The following NALF1 variants were observed in gnomAD, a reference collection of about 807,000 sequenced individuals.
NALF1 encodes the protein family with sequence similarity 155 member A.
A neutral mutation model predicts 48.4 loss-of-function variants in NALF1; 3 were observed. The observed-to-expected ratio is 0.06, with a 90% CI of 0.03 to 0.16. The LOEUF is 0.16. Among genes scored for constraint, NALF1 ranks in the 10% least tolerant of loss-of-function variants. The probability of loss-of-function intolerance (pLI) is 1.00; values close to 1 mark genes in which losing one functional copy is unlikely to be tolerated. For missense variants in NALF1, 526 were observed against 571.5 expected, an observed-to-expected ratio of 0.92 and a Z score of 0.81; for synonymous variants, 262 against 245.7, an observed-to-expected ratio of 1.07 and a Z score of -0.62.
At chr13:107,510,111 C>T (rs928020651) in intron 1 of NALF1, among the ~76,000 whole-genome samples, 1 of 152,092 alleles carries the variant, frequency 6.6e-6, no homozygotes, top group Non-Finnish European at 1.5e-5. Context: ...ATTTGGCTTG[C>T]AATTAATCTT....
At chr13:107,224,440 A>T (rs1880060176) in intron 1 of NALF1, among the ~76,000 whole-genome samples, 1 of 148,742 alleles carries the variant, frequency 6.7e-6, no homozygotes, top group Admixed American at 6.7e-5. Context: ...ATATAATACA[A>T]ATTATATATA....
chr13:107,409,857 TG>T (rs756814196), intron 1 of NALF1, among the ~76,000 whole-genome samples: 102 of 152,192 alleles, frequency 6.7e-4, no homozygotes, highest in Admixed American at 2.9e-3. Context: ...TTTCTACCCT[TG>T]CCCTCATCTC....
chr13:107,689,824 C>T (rs1336194329), intron 1 of NALF1, among the ~76,000 whole-genome samples: 1 of 152,146 alleles, frequency 6.6e-6, no homozygotes, highest in Non-Finnish European at 1.5e-5. Context: ...ATTTATTTGT[C>T]TTCATTCCCT....
Position 107,362,424 on chromosome 13 carries a change from T to G in NALF1, c.916-151669A>C, listed in dbSNP as rs1038831946. Among the ~76,000 whole-genome samples, 10 of 152,260 alleles carry G rather than the reference T, an allele frequency of 6.6e-5. No individual in the cohort carries two copies. Among genetic ancestry groups the G allele is most frequent in the East Asian group, 1.9e-4 (1 of 5,162 alleles). ...CTGTAGAGTAGCATCTTCGCTTGCC[T>G]CCTCCTGACTTTGGAGGTATCAGGC... On this transcript the variant is annotated intron_variant, in intron 1 of 2. Transcript: ENST00000375915. The surrounding 1 kb of genome is among the most constrained non-coding windows in gnomAD (Gnocchi z 4.6).
chr13:107,763,702 G>A (rs1877336195), intron 1 of NALF1, among the ~76,000 whole-genome samples: 1 of 152,046 alleles, frequency 6.6e-6, no homozygotes, highest in Admixed American at 6.6e-5. Flanking sequence ...TGGTTACAGG[G>A]ATACACAATG....
chr13:107,206,614 C>G (rs1362974734), intron 2 of NALF1, among the ~76,000 whole-genome samples: 1 of 152,120 alleles, frequency 6.6e-6, no homozygotes, highest in Non-Finnish European at 1.5e-5. Context: ...GGGTGATATT[C>G]CCTTTTTTGT....
rs577368526 is a variant in NALF1, at chr13:107,597,507, C to T, written c.915+268175G>A. ...TTTTGTGTGTGCATTAAGGTCTAAC[C>T]GAGACTATCAATCTCATACACATCA... On this transcript the variant is annotated intron_variant, in intron 1 of 2. Transcript: ENST00000375915. Among the ~76,000 whole-genome samples the T allele has an allele frequency of 1.6e-3, 245 of 152,008 alleles. 1 individual carries two copies. The highest frequency in any genetic ancestry group is 5.5e-3 in the African/African-American group (229 of 41,488).
chr13:107,241,419 A>G (rs1880468994), intron 1 of NALF1, among the ~76,000 whole-genome samples: 1 of 152,180 alleles, frequency 6.6e-6, no homozygotes, highest in South Asian at 2.1e-4. Flanking sequence ...GGAAGCTGCT[A>G]ATAATTCTCT....
At chr13:107,422,069 G>C (rs138752409) in intron 1 of NALF1, among the ~76,000 whole-genome samples, 2 of 152,052 alleles carry the variant, frequency 1.3e-5, no homozygotes, top group Non-Finnish European at 2.9e-5. Flanking sequence ...ATGTATTCCA[G>C]GTACTTTATA....
In NALF1 at chr13:107,717,349, C is replaced by T. The variant is rs115969658; in HGVS notation, c.915+148333G>A. ...ATCACGTATGGACATATCAGAAATG[C>T]AAATTCTGAAGTCCCAGCACATACC... is the stretch of plus-strand genomic sequence containing the variant. On this transcript the variant is annotated intron_variant, in intron 1 of 2. Coordinates refer to ENST00000375915, the MANE Select transcript of NALF1 (RefSeq NM_001080396.3). Among the ~76,000 whole-genome samples the T allele has an allele frequency of 1.9e-3, 296 of 152,242 alleles. 1 individual carries two copies. Among genetic ancestry groups the T allele is most frequent in the African/African-American group, 6.9e-3 (286 of 41,556 alleles).
At chr13:107,359,943 C>T (rs150092872) in intron 1 of NALF1, among the ~76,000 whole-genome samples, 3 of 152,228 alleles carry the variant, frequency 2.0e-5, no homozygotes, top group East Asian at 1.9e-4. Flanking sequence ...ATTTATATAA[C>T]CTGTAATCAT....
At chr13:107,327,323 G>T (rs1192245382) in intron 1 of NALF1, among the ~76,000 whole-genome samples, 1 of 152,032 alleles carries the variant, frequency 6.6e-6, no homozygotes, top group Non-Finnish European at 1.5e-5. Flanking sequence ...CTGCTGACTT[G>T]TAAGAGGGAA....
At chr13:107,620,703 A>G (rs918239402) in intron 1 of NALF1, among the ~76,000 whole-genome samples, 2 of 152,164 alleles carry the variant, frequency 1.3e-5, no homozygotes, top group Admixed American at 6.5e-5. Context: ...CCTACACGTG[A>G]CAGATATATA....
intron 1 of NALF1, among the ~76,000 whole-genome samples, chr13:107,768,695 C>G (rs1207515628): frequency 6.6e-6 from 1 of 152,104 alleles, no homozygotes; most frequent in African/African-American, 2.4e-5. Context: ...TAATAATGAA[C>G]AGCAGCAATT....
At chr13:107,419,387 C>A (rs1465040837) in intron 1 of NALF1, among the ~76,000 whole-genome samples, 1 of 152,200 alleles carries the variant, frequency 6.6e-6, no homozygotes, top group Non-Finnish European at 1.5e-5. Context: ...GGCCATGATT[C>A]ACACAATATC....
At position 107,524,942 on chromosome 13, in the gene NALF1, C is replaced by G. The variant is rs530185089; in HGVS notation, c.916-314187G>C. On this transcript the variant is annotated intron_variant, in intron 1 of 2. Coordinates refer to ENST00000375915, the MANE Select transcript of NALF1 (RefSeq NM_001080396.3). ...GTATAACAGCTGAGGAACTTGTTCT[C>G]AGAGAGAGAGAGAGAAAAAAAAATA... Among the ~76,000 whole-genome samples, 72 of 150,490 alleles carry G rather than the reference C, an allele frequency of 4.8e-4. No homozygotes were observed. The South Asian group carries it at 5.0e-3, about 11-fold the overall frequency.
At chr13:107,710,181 A>G (rs1393530581) in intron 1 of NALF1, among the ~76,000 whole-genome samples, 1 of 152,100 alleles carries the variant, frequency 6.6e-6, no homozygotes, top group Non-Finnish European at 1.5e-5. Context: ...GAAAAAAAAG[A>G]AAGAAAGAAA....
intron 1 of NALF1, among the ~76,000 whole-genome samples, chr13:107,794,016 T>C (rs1476963757): frequency 6.6e-6 from 1 of 152,178 alleles, no homozygotes; most frequent in Non-Finnish European, 1.5e-5. Context: ...CACAGCAAGG[T>C]AAAACGTAAA....
At chr13:107,721,614 C>T (rs907616647) in intron 1 of NALF1, among the ~76,000 whole-genome samples, 1 of 152,178 alleles carries the variant, frequency 6.6e-6, no homozygotes, top group Non-Finnish European at 1.5e-5. Flanking sequence ...TCCCCTTTGA[C>T]GGGATTTCCC....
Sources: gnomAD v4.1 joint callset for allele counts (sites outside exome capture counted in the v4.1 genomes callset) on GRCh38, gnomAD v4.1.1 for gene constraint, Gnocchi (gnomAD v3.1) non-coding constraint, MANE v1.5 for transcripts, NCBI Gene and HGNC (gene_info 2026-07-23, HGNC 2026-07-21) for gene names.